The following DOCK2 variants were observed in gnomAD, a reference collection of about 807,000 sequenced individuals.
The protein encoded by DOCK2 is dedicator of cytokinesis 2, also known as dedicator of cytokinesis protein 2.
DOCK2 carries 87 observed loss-of-function variants against 248.9 expected under a neutral mutation model. The ratio of observed to expected loss-of-function variants is 0.35; its 90% CI spans 0.29 to 0.42. The LOEUF is 0.42. DOCK2 is among the 10% of genes least tolerant of loss of function. The probability of loss-of-function intolerance (pLI) is 1.00; values close to 1 mark genes in which losing one functional copy is unlikely to be tolerated. For synonymous variants in DOCK2, 805 were observed against 821.6 expected, an observed-to-expected ratio of 0.98 and a Z score of 0.35; for missense variants, 1,747 against 2,300.2, an observed-to-expected ratio of 0.76 and a Z score of 4.92.
intron 44 of DOCK2, among the ~76,000 whole-genome samples, chr5:170,063,782 G>C (rs1757407015): frequency 6.6e-6 from 1 of 152,168 alleles, no homozygotes. Context: ...AGCAAAAAGA[G>C]GTGGATATAC....
chr5:169,722,424 T>G (rs1762259963), intron 22 of DOCK2, among the ~76,000 whole-genome samples: 1 of 152,172 alleles, frequency 6.6e-6, no homozygotes, highest in African/African-American at 2.4e-5. Flanking sequence ...CAGGAGTTGC[T>G]CCCACTTGTC....
intron 14 of DOCK2, among the ~76,000 whole-genome samples, chr5:169,705,014 T>G (rs1761187424): frequency 6.6e-6 from 1 of 151,888 alleles, no homozygotes. Flanking sequence ...ATACAAAAAT[T>G]AGCTGAGTGT....
At chr5:169,941,589 T>C (rs1156965565) in intron 27 of DOCK2, among the ~76,000 whole-genome samples, 1 of 152,190 alleles carries the variant, frequency 6.6e-6, no homozygotes, top group Non-Finnish European at 1.5e-5. Context: ...GAACCAAATC[T>C]GGCAGAACTT....
intron 17 of DOCK2, 59 bp downstream of exon 17, chr5:169,712,282 G>A (rs1006148528): frequency 1.1e-5 from 17 of 1,515,050 alleles, no homozygotes; most frequent in Non-Finnish European, 1.4e-5. Flanking sequence ...AGGGGGTGAT[G>A]GCAAAATTGC....
intron 25 of DOCK2, among the ~76,000 whole-genome samples, chr5:169,780,714 A>G (rs1377225216): frequency 6.6e-6 from 1 of 152,186 alleles, no homozygotes; most frequent in Non-Finnish European, 1.5e-5. Flanking sequence ...TCATTGAAAG[A>G]TGGTAATATC....
At chr5:170,025,711 A>G (rs1755878012) in intron 33 of DOCK2, among the ~76,000 whole-genome samples, 2 of 152,082 alleles carry the variant, frequency 1.3e-5, no homozygotes, top group South Asian at 4.1e-4. Flanking sequence ...ATTCATTTGC[A>G]GACTGGCAGT....
At chr5:169,912,499 T>G (rs1439431392) in intron 27 of DOCK2, among the ~76,000 whole-genome samples, 1 of 152,218 alleles carries the variant, frequency 6.6e-6, no homozygotes, top group African/African-American at 2.4e-5. Context: ...TCTTAGGGTC[T>G]TATTGAGACA....
At chr5:170,078,572 C>T (rs934455686) in intron 48 of DOCK2, among the ~76,000 whole-genome samples, 3 of 152,098 alleles carry the variant, frequency 2.0e-5, no homozygotes, top group Non-Finnish European at 4.4e-5. Context: ...AAGGTCTCTG[C>T]GAAGACCTCC....
At chr5:169,800,460 A>G (rs1439881459) in intron 25 of DOCK2, among the ~76,000 whole-genome samples, 4 of 152,218 alleles carry the variant, frequency 2.6e-5, no homozygotes, top group African/African-American at 4.8e-5. Context: ...CAGGTACTGT[A>G]TCAGGCACTT....
intron 36 of DOCK2, among the ~76,000 whole-genome samples, chr5:170,037,833 G>T (rs1403786937): frequency 2.6e-5 from 4 of 152,164 alleles, no homozygotes; most frequent in Non-Finnish European, 5.9e-5. Flanking sequence ...ATCCTTATGA[G>T]GCTGGAGCCC....
At chr5:169,936,599 T>TC (rs1436303619) in intron 27 of DOCK2, among the ~76,000 whole-genome samples, 1 of 130,786 alleles carries the variant, frequency 7.6e-6, no homozygotes, top group East Asian at 2.0e-4. Context: ...TTTTTTTTTT[T>TC]ATGAATTAGC....
intron 27 of DOCK2, among the ~76,000 whole-genome samples, chr5:169,860,089 C>T (rs547126233): frequency 1.3e-5 from 2 of 151,380 alleles, no homozygotes; most frequent in African/African-American, 4.9e-5. Flanking sequence ...CCTCAGCCTC[C>T]TGATTAGTGG....
intron 22 of DOCK2, 51 bp downstream of exon 22, chr5:169,718,842 G>T (rs763029192): frequency 6.4e-6 from 10 of 1,563,078 alleles, no homozygotes; most frequent in Non-Finnish European, 8.7e-6. Context: ...ATTCCTCTGG[G>T]ATACAACAGT....
intron 27 of DOCK2, among the ~76,000 whole-genome samples, chr5:169,857,922 G>A (rs1331454407): frequency 6.6e-6 from 1 of 152,120 alleles, no homozygotes; most frequent in Non-Finnish European, 1.5e-5. Flanking sequence ...TTTGATAAGT[G>A]TTAAGTTTCT....
chr5:169,669,864 G>A (rs531269329), intron 3 of DOCK2, among the ~76,000 whole-genome samples: 4 of 152,270 alleles, frequency 2.6e-5, no homozygotes, highest in Non-Finnish European at 5.9e-5. Flanking sequence ...CACATTGGTT[G>A]CATTTATGAA....
rs535698757 is a variant in DOCK2, at chr5:169,888,703, A to G, written c.2799+47851A>G. Among the ~76,000 whole-genome samples, 11 of 152,362 alleles carry G rather than the reference A, an allele frequency of 7.2e-5. 1 individual carries two copies. The South Asian group carries it at 2.1e-3, about 29-fold the overall frequency. On this transcript the variant is annotated intron_variant, in intron 27 of 51. Transcript: ENST00000520908. Reference sequence around the variant, plus strand: ...CACTTTCTGACTATTGACTTGGAACAAGTGACTTGATCTTTGTAAAACCGC... The same window carrying G: ...CACTTTCTGACTATTGACTTGGAACGAGTGACTTGATCTTTGTAAAACCGC...
intron 29 of DOCK2, 37 bp downstream of exon 29, chr5:169,985,959 C>T (rs751178630): frequency 1.5e-5 from 23 of 1,557,884 alleles, no homozygotes; most frequent in Admixed American, 7.1e-5. Flanking sequence ...CTACCTTACC[C>T]AGCCCTCACT....
At chr5:169,877,422 G>A (rs1272468212) in intron 27 of DOCK2, among the ~76,000 whole-genome samples, 1 of 152,218 alleles carries the variant, frequency 6.6e-6, no homozygotes, top group Non-Finnish European at 1.5e-5. Flanking sequence ...AGGAATTGGA[G>A]TGAAGGGGTT....
chr5:170,061,178 T>C (rs1690852841), intron 44 of DOCK2, among the ~76,000 whole-genome samples: 1 of 152,250 alleles, frequency 6.6e-6, no homozygotes. Flanking sequence ...TCATTTTCTC[T>C]TCACAGCAAG....
Sources: gnomAD v4.1 joint callset for allele counts (sites outside exome capture counted in the v4.1 genomes callset) on GRCh38, gnomAD v4.1.1 for gene constraint, MANE v1.5 for transcripts, NCBI Gene and HGNC (gene_info 2026-07-23, HGNC 2026-07-21) for gene names.